Variants in LSAMP observed in about 807,000 individuals in gnomAD.
LSAMP encodes limbic system-associated membrane protein.
LSAMP carries 7 observed loss-of-function variants against 38.6 expected under a neutral mutation model. That is an observed-to-expected ratio of 0.18 (90% confidence interval 0.10 to 0.34). The LOEUF (loss-of-function observed/expected upper bound fraction) is 0.34, where lower values mean the gene tolerates loss of function less well. Among genes scored for constraint, LSAMP ranks in the 10% least tolerant of loss-of-function variants. The probability of loss-of-function intolerance (pLI) is 1.00; values close to 1 mark genes in which losing one functional copy is unlikely to be tolerated. For synonymous variants in LSAMP, 154 were observed against 166.8 expected (o/e 0.92, Z 0.59); for missense variants, 313 against 420.0 (o/e 0.75, Z 2.23).
At chr3:115,990,756 A>G (rs1305341432) in intron 3 of LSAMP, among the ~76,000 whole-genome samples, 1 of 152,096 alleles carries the variant, frequency 6.6e-6, no homozygotes, top group Admixed American at 6.6e-5. Context: ...TAACATGAAG[A>G]GAAACAAAAC....
intron 1 of LSAMP, among the ~76,000 whole-genome samples, chr3:116,146,473 T>C (rs1269223049): frequency 6.6e-6 from 1 of 151,928 alleles, no homozygotes; most frequent in Non-Finnish European, 1.5e-5. Flanking sequence ...GAGATTTTAG[T>C]TGACAAAAAG....
chr3:116,149,130 T>A (rs1709554011), intron 1 of LSAMP, among the ~76,000 whole-genome samples: 1 of 151,982 alleles, frequency 6.6e-6, no homozygotes, highest in South Asian at 2.1e-4. Context: ...AGAGGGTTCA[T>A]GTGCAGAATG....
chr3:116,058,844 G>A lies in LSAMP; in HGVS notation c.388+27480C>T, dbSNP rs559093100. Among the ~76,000 whole-genome samples, 7 of 152,082 alleles carry A rather than the reference G, an allele frequency of 4.6e-5. No homozygotes were observed. The South Asian group carries it at 1.0e-3, about 23-fold the overall frequency. ...GTGATAAAGACTCACGTGTTTCTAA[G>A]ACACATACAGGTCTTCAGCTTCTTA... On this transcript the variant is annotated intron_variant, in intron 2 of 6. Transcript: ENST00000490035.
chr3:115,902,867 A>G (rs1013715339), intron 3 of LSAMP, among the ~76,000 whole-genome samples: 1 of 152,176 alleles, frequency 6.6e-6, no homozygotes, highest in African/African-American at 2.4e-5. Flanking sequence ...GTTTCAGAGA[A>G]AAAGCAACAT....
intron 2 of LSAMP, among the ~76,000 whole-genome samples, chr3:116,052,404 T>C (rs1441734258): frequency 2.6e-5 from 4 of 152,232 alleles, no homozygotes; most frequent in Admixed American, 2.6e-4. Context: ...CTTTATTCTA[T>C]TAAATCTCTT....
At chr3:116,154,301 T>C (rs1052413551) in intron 1 of LSAMP, among the ~76,000 whole-genome samples, 1 of 152,144 alleles carries the variant, frequency 6.6e-6, no homozygotes, top group Admixed American at 6.6e-5. Flanking sequence ...GTACACTATG[T>C]ACCTTGACTA....
At chr3:115,911,049 T>C (rs1937122936) in intron 3 of LSAMP, among the ~76,000 whole-genome samples, 1 of 152,230 alleles carries the variant, frequency 6.6e-6, no homozygotes, top group South Asian at 2.1e-4. Context: ...TTACACATTC[T>C]ATGCATGTAA....
chr3:115,978,929 A>C (rs1449162782), intron 3 of LSAMP, among the ~76,000 whole-genome samples: 2 of 152,162 alleles, frequency 1.3e-5, no homozygotes, highest in African/African-American at 4.8e-5. Flanking sequence ...TAAGGAGATG[A>C]AGTCAACTTT....
chr3:116,160,527 GGAAAA>G lies in LSAMP; in HGVS notation c.156-73976_156-73972del, dbSNP rs377348658. Among the ~76,000 whole-genome samples the G allele has an allele frequency of 5.4e-3, 808 of 151,018 alleles. 6 individuals carry two copies. Among genetic ancestry groups the G allele is most frequent in the African/African-American group, 0.017 (712 of 41,062 alleles). On this transcript the variant is annotated intron_variant, in intron 1 of 6. Transcript: ENST00000490035. The stretch of plus-strand genomic sequence containing the variant: ...AAGGAGAGGAAAAGAGAAGAGGAAA[GGAAAA>G]GAAAAGAAAAGAAAAGACTGCCTAT...
At chr3:116,119,307 T>A (rs886222239) in intron 1 of LSAMP, among the ~76,000 whole-genome samples, 1 of 151,942 alleles carries the variant, frequency 6.6e-6, no homozygotes, top group Non-Finnish European at 1.5e-5. Flanking sequence ...TAGATAGCCA[T>A]AAGATTGTTA....
At chr3:116,213,794 T>C (rs929180435) in intron 1 of LSAMP, among the ~76,000 whole-genome samples, 2 of 152,142 alleles carry the variant, frequency 1.3e-5, no homozygotes. Context: ...CTAAGTGAAA[T>C]AAGCCAGGCA....
intron 3 of LSAMP, among the ~76,000 whole-genome samples, chr3:115,880,426 G>A (rs570273432): frequency 9.6e-4 from 146 of 151,860 alleles, no homozygotes; most frequent in African/African-American, 3.4e-3. Flanking sequence ...CTTTTGTCAG[G>A]CGAGTTAGTT....
chr3:116,315,424 A>T lies in LSAMP; in HGVS notation c.155+129453T>A, dbSNP rs139083365. Among the ~76,000 whole-genome samples, 726 of 152,264 alleles carry T rather than the reference A, an allele frequency of 4.8e-3. 4 individuals carry two copies. Among genetic ancestry groups the T allele is most frequent in the African/African-American group, 0.017 (688 of 41,548 alleles). On this transcript the variant is annotated intron_variant, in intron 1 of 6. Coordinates refer to ENST00000490035, the MANE Select transcript of LSAMP (RefSeq NM_002338.5). ...AAATGGTGGGGAGGGAAATTTACAT[A>T]TCTATGTTAGAAATGGGGACAGAGT...
intron 1 of LSAMP, among the ~76,000 whole-genome samples, chr3:116,281,934 TTTAA>T (rs1007322092): frequency 1.2e-4 from 19 of 152,344 alleles, no homozygotes; most frequent in African/African-American, 4.3e-4. Context: ...TTAACAACTT[TTTAA>T]TTAACCTTCT....
intron 3 of LSAMP, among the ~76,000 whole-genome samples, chr3:115,998,809 C>T: frequency 6.6e-6 from 1 of 152,130 alleles, no homozygotes; most frequent in East Asian, 1.9e-4. Flanking sequence ...GTTCTCCCAT[C>T]TCCCGCCCGT....
chr3:116,074,487 T>C (rs1483926854), intron 2 of LSAMP, among the ~76,000 whole-genome samples: 4 of 152,210 alleles, frequency 2.6e-5, no homozygotes, highest in East Asian at 1.9e-4. Flanking sequence ...TTTCAGATTG[T>C]TTTATTTCTA....
At chr3:116,004,926 G>A (rs935020688) in intron 3 of LSAMP, among the ~76,000 whole-genome samples, 16 of 152,086 alleles carry the variant, frequency 1.1e-4, no homozygotes, top group African/African-American at 2.7e-4. Context: ...TCCTACATAC[G>A]TGAGAAATTG....
At chr3:116,283,776 T>G (rs2047159113) in intron 1 of LSAMP, among the ~76,000 whole-genome samples, 1 of 152,258 alleles carries the variant, frequency 6.6e-6, no homozygotes, top group East Asian at 1.9e-4. Context: ...TCCTCCTTAG[T>G]TTTTATTTTT....
chr3:116,287,374 T>G (rs957843741), intron 1 of LSAMP, among the ~76,000 whole-genome samples: 1 of 152,112 alleles, frequency 6.6e-6, no homozygotes, highest in East Asian at 1.9e-4. Flanking sequence ...AAGACTTAAT[T>G]TGCAATCCAC....
Sources: gnomAD v4.1 joint callset for allele counts (sites outside exome capture counted in the v4.1 genomes callset) on GRCh38, gnomAD v4.1.1 for gene constraint, MANE v1.5 for transcripts, NCBI Gene and HGNC (gene_info 2026-07-23, HGNC 2026-07-21) for gene names.